Variants in COL11A1 observed in about 807,000 individuals in gnomAD.
COL11A1 encodes the protein collagen type XI alpha 1 chain.
A neutral mutation model predicts 265.2 loss-of-function variants in COL11A1; 74 were observed. The observed-to-expected ratio is 0.28, with a 90% CI of 0.23 to 0.34. The LOEUF (loss-of-function observed/expected upper bound fraction) is 0.34, where lower values mean the gene tolerates loss of function less well. COL11A1 is among the 10% of genes least tolerant of loss of function. The pLI, the probability that COL11A1 is intolerant of heterozygous loss-of-function variation, is 1.00. For missense variants in COL11A1, 2,165 were observed against 2,263.6 expected (o/e 0.96, Z 0.88); for synonymous variants, 816 against 727.6 (o/e 1.12, Z -1.96).
chr1:103,072,082 C>T (rs1333982384), intron 4 of COL11A1, among the ~76,000 whole-genome samples: 1 of 151,786 alleles, frequency 6.6e-6, no homozygotes, highest in Admixed American at 6.6e-5. Context: ...TTCATATACT[C>T]ACTCTGCTAT....
chr1:102,951,827 G>GGA (rs1468940287), intron 41 of COL11A1, among the ~76,000 whole-genome samples: 1 of 151,972 alleles, frequency 6.6e-6, no homozygotes, highest in Non-Finnish European at 1.5e-5. Flanking sequence ...CAAATTTGCA[G>GGA]GAAAATTGCT....
chr1:103,002,370 T>A, intron 23 of COL11A1, 58 bp downstream of exon 23: 1 of 1,396,102 alleles, frequency 7.2e-7, no homozygotes, highest in Non-Finnish European at 1.0e-6. Flanking sequence ...GATTTTCTTA[T>A]AGAAAGATAG....
At position 103,022,783 on chromosome 1, in the gene COL11A1, C is replaced by G. The variant is rs1359322452; in HGVS notation, c.1204G>C (p.Gly402Arg). Residue 402 changes from glycine (G) to arginine (R), a missense_variant, in exon 8 of 67, where the codon GGT (glycine) becomes CGT (arginine). Transcript: ENST00000370096. ...TCAGTTTCTGCTGGTACACCTGGAC[C>G]AAATTCTTCATTAGGGGGGCTTGTT... ...KPTSPPNEEF[G>R]PGVPAETDIT... 6.2e-7 allele frequency: 1 copy of G among 1,613,620 alleles called. No homozygotes were observed. Among genetic ancestry groups the G allele is most frequent in the Non-Finnish European group, 8.5e-7 (1 of 1,179,946 alleles).
chr1:102,979,253 G>A, intron 32 of COL11A1, 129 bp downstream of exon 32: 4 of 1,212,948 alleles, frequency 3.3e-6, no homozygotes, highest in Non-Finnish European at 4.8e-6. Flanking sequence ...GCCCAGGCTG[G>A]CCTGGAACTC....
At chr1:103,072,231 C>A (rs989445494) in intron 4 of COL11A1, among the ~76,000 whole-genome samples, 1 of 151,816 alleles carries the variant, frequency 6.6e-6, no homozygotes, top group African/African-American at 2.4e-5. Context: ...AAGTTGAATT[C>A]TAAAAAGTCA....
chr1:103,035,752 A>G (rs1668318222), intron 4 of COL11A1, among the ~76,000 whole-genome samples: 1 of 152,014 alleles, frequency 6.6e-6, no homozygotes, highest in South Asian at 2.1e-4. Flanking sequence ...GTACTTCTAA[A>G]CTTGAAAATA....
Position 102,913,077 on chromosome 1 carries a change from T to C in COL11A1, c.4032+560A>G, listed in dbSNP as rs542122375. Reference sequence around the variant, plus strand: ...AGCCTGTATCTGTGATAGCAAAGCATCTAGTGGGAATGGCCCCAGAGACAA... The same window carrying C: ...AGCCTGTATCTGTGATAGCAAAGCACCTAGTGGGAATGGCCCCAGAGACAA... On this transcript the variant is annotated intron_variant, in intron 53 of 66. Coordinates refer to ENST00000370096, the MANE Select transcript of COL11A1 (RefSeq NM_001854.4). Among the ~76,000 whole-genome samples, 13 of 152,266 alleles carry C rather than the reference T, an allele frequency of 8.5e-5. No individual in the cohort carries two copies. In the South Asian group the frequency reaches 2.5e-3, roughly 29 times the overall value.
chr1:103,015,891 C>T (rs1238525210), intron 11 of COL11A1, 149 bp from the exon 12 acceptor site: 2 of 557,142 alleles, frequency 3.6e-6, no homozygotes, highest in South Asian at 2.4e-5. Flanking sequence ...TATACCTAGA[C>T]AGAATTCTAT....
At chr1:103,104,950 T>A (rs1437514649) in intron 1 of COL11A1, among the ~76,000 whole-genome samples, 2 of 152,166 alleles carry the variant, frequency 1.3e-5, no homozygotes, top group Admixed American at 1.3e-4. Context: ...ACTACACTTC[T>A]TCAGGGCTCA....
rs12075061 is a variant in COL11A1, at chr1:103,003,281, G to T, written c.1945-13C>A. 27 of 1,602,948 alleles carry T rather than the reference G, an allele frequency of 1.7e-5. No homozygotes were observed. The African/African-American group carries it at 3.0e-4, about 18-fold the overall frequency. ...AACCTCGTGGGCCCTAGGAGAAAAA[G>T]AAAAAGCACGCCTTTATTAAAAAAA... is the stretch of plus-strand genomic sequence containing the variant. On this transcript the variant is annotated splice_polypyrimidine_tract_variant and intron_variant, in intron 20 of 66. Coordinates refer to ENST00000370096, the MANE Select transcript of COL11A1 (RefSeq NM_001854.4).
intron 53 of COL11A1, 90 bp from the exon 54 acceptor site, chr1:102,912,302 C>T: frequency 1.0e-6 from 1 of 966,846 alleles, no homozygotes; most frequent in Non-Finnish European, 1.6e-6. Flanking sequence ...AACCAACCCT[C>T]TTTCTTCATT....
At chr1:102,914,472 T>G in intron 51 of COL11A1, 67 bp from the exon 52 acceptor site, 1 of 1,431,716 alleles carries the variant, frequency 7.0e-7, no homozygotes, top group Non-Finnish European at 9.6e-7. Flanking sequence ...TATGACATTC[T>G]GGAGGTGAAG....
intron 8 of COL11A1, among the ~76,000 whole-genome samples, chr1:103,022,053 G>A (rs187468059): frequency 3.4e-5 from 5 of 146,250 alleles, no homozygotes; most frequent in African/African-American, 1.0e-4. Context: ...ATCGGTTTTC[G>A]CCGTGTTGCC....
Position 102,998,325 on chromosome 1 carries a change from A to C in COL11A1, c.2181T>G (p.Gly727=). The change falls in exon 25 of 67, where the codon GGT becomes GGG. Residue 727 remains glycine, a synonymous_variant. Coordinates refer to ENST00000370096, the MANE Select transcript of COL11A1 (RefSeq NM_001854.4). ...QGKPGLAGLP[G]ADGPPGHPGK... ...TGTTACTTACAGGAGGCCCATCAGC[A>C]CCAGGAAGTCCAGCAAGTCCTGGTT... The C allele has an allele frequency of 6.2e-7, 1 of 1,606,616 alleles. No individual in the cohort carries two copies. Among genetic ancestry groups the C allele is most frequent in the Non-Finnish European group, 8.5e-7 (1 of 1,175,858 alleles).
intron 4 of COL11A1, among the ~76,000 whole-genome samples, chr1:103,045,922 C>T (rs1669222049): frequency 6.6e-6 from 1 of 151,898 alleles, no homozygotes; most frequent in South Asian, 2.1e-4. Flanking sequence ...CAGCTTCATC[C>T]ATGTCCCTAC....
chr1:102,981,042 A>G (rs184841595), intron 31 of COL11A1, among the ~76,000 whole-genome samples: 7 of 152,296 alleles, frequency 4.6e-5, no homozygotes, highest in Admixed American at 3.9e-4. Context: ...TATTTCCTAC[A>G]TGATGCTATT....
chr1:102,917,448 A>G (rs1655472889), intron 49 of COL11A1, among the ~76,000 whole-genome samples: 1 of 151,974 alleles, frequency 6.6e-6, no homozygotes, highest in Non-Finnish European at 1.5e-5. Context: ...CATGACTAAG[A>G]CCTCAAAAGC....
At chr1:103,035,201 T>A (rs1360183649) in intron 4 of COL11A1, among the ~76,000 whole-genome samples, 1 of 152,078 alleles carries the variant, frequency 6.6e-6, no homozygotes, top group Non-Finnish European at 1.5e-5. Flanking sequence ...CACACAGGTA[T>A]CCTAGATGAT....
chr1:103,006,208 A>AAT (rs372419329), intron 16 of COL11A1, 54 bp downstream of exon 16: 113 of 1,415,674 alleles, frequency 8.0e-5, no homozygotes, highest in Non-Finnish European at 9.6e-5. Context: ...TAAATAAATA[A>AAT]AACTAATGAT....
Sources: gnomAD v4.1 joint callset for allele counts (sites outside exome capture counted in the v4.1 genomes callset) on GRCh38, gnomAD v4.1.1 for gene constraint, MANE v1.5 for transcripts, NCBI Gene and HGNC (gene_info 2026-07-23, HGNC 2026-07-21) for gene names.